Variants in SBNO1 observed in about 807,000 individuals in gnomAD.
SBNO1 encodes the protein strawberry notch homolog 1.
Under a neutral mutation model 173.6 loss-of-function variants are expected in SBNO1, and 23 were observed. The observed-to-expected ratio is 0.13, with a 90% CI of 0.10 to 0.19. The LOEUF is 0.19. Among genes scored for constraint, SBNO1 ranks in the 10% least tolerant of loss-of-function variants. The pLI, the probability that SBNO1 is intolerant of heterozygous loss-of-function variation, is 1.00. For missense variants in SBNO1, 1,238 were observed against 1,671.2 expected (o/e 0.74, Z 4.52); for synonymous variants, 632 against 571.5 (o/e 1.11, Z -1.51).
intron 3 of SBNO1, among the ~76,000 whole-genome samples, chr12:123,347,632 G>A (rs1481155152): frequency 6.7e-6 from 1 of 149,056 alleles, no homozygotes; most frequent in African/African-American, 2.5e-5. Flanking sequence ...GGGTTCAAGA[G>A]ATTCTCCTGC....
chr12:123,327,235 T>A (rs1355341321), intron 13 of SBNO1, among the ~76,000 whole-genome samples, 191 bp downstream of exon 13: 1 of 152,114 alleles, frequency 6.6e-6, no homozygotes, highest in Non-Finnish European at 1.5e-5. Flanking sequence ...GGTCTTGAAC[T>A]CTTGACCTCA....
At position 123,351,505 on chromosome 12, in the gene SBNO1, T is replaced by C. The variant is rs538554709; in HGVS notation, c.1-1064A>G. Among the ~76,000 whole-genome samples the C allele has an allele frequency of 9.9e-5, 15 of 152,144 alleles. No homozygotes were observed. The South Asian group carries it at 2.9e-3, about 29-fold the overall frequency. Reference sequence around the variant, plus strand: ...AGCCAAGTGTGGTGGTGCACGCCTGTAGTCCCAGCTACTTGGGAGGATGGC... The same window carrying C: ...AGCCAAGTGTGGTGGTGCACGCCTGCAGTCCCAGCTACTTGGGAGGATGGC... On this transcript the variant is annotated intron_variant, in intron 1 of 31. Transcript: ENST00000602398.
rs2048539464 is a variant in SBNO1, at chr12:123,293,365, C to G, written c.*2543G>C. The G allele has an allele frequency of 6.6e-6, 1 of 152,102 alleles. No individual in the cohort carries two copies. Among genetic ancestry groups the G allele is most frequent in the African/African-American group, 2.4e-5 (1 of 41,406 alleles). The allele number at this position is 152,102 out of a possible 1,614,324, so 9.4% of individuals were successfully genotyped here. A position where few individuals can be genotyped will look rare whatever the true frequency, so the allele number is the denominator to read the frequency against. On this transcript the variant is annotated 3_prime_UTR_variant, in exon 32 of 32. Transcript: ENST00000602398. ...AGGAGTGAGCCACCACGCCCGGCTACGAGTTGGGTTTTAACAGAAGAGGAC... is the reference window on the plus strand; with the variant it reads ...AGGAGTGAGCCACCACGCCCGGCTAGGAGTTGGGTTTTAACAGAAGAGGAC...
intron 6 of SBNO1, among the ~76,000 whole-genome samples, chr12:123,334,747 AAT>A (rs1455928256): frequency 2.0e-5 from 3 of 148,934 alleles, no homozygotes; most frequent in Admixed American, 1.3e-4. Flanking sequence ...AATAAAATAA[AAT>A]AGAGATTTGC....
chr12:123,303,909 T>A lies in SBNO1; in HGVS notation c.3768+673A>T, dbSNP rs535584439. On this transcript the variant is annotated intron_variant, in intron 29 of 31. Transcript: ENST00000602398. ...TATCTTAAACAATTTCAATATATTATAAAATAAGTATTCTTTTTTTTTTTT... is the reference window on the plus strand; with the variant it reads ...TATCTTAAACAATTTCAATATATTAAAAAATAAGTATTCTTTTTTTTTTTT... Among the ~76,000 whole-genome samples, 133 of 143,766 alleles carry A rather than the reference T, an allele frequency of 9.3e-4. 1 individual carries two copies. Among genetic ancestry groups the A allele is most frequent in the African/African-American group, 3.2e-3 (126 of 39,840 alleles). The allele number at this position is 143,766 out of a possible 152,430, so 94.3% of individuals were successfully genotyped here.
At chr12:123,324,724 C>G (rs990783433) in intron 15 of SBNO1, among the ~76,000 whole-genome samples, 14 of 152,264 alleles carry the variant, frequency 9.2e-5, no homozygotes, top group African/African-American at 3.4e-4. Flanking sequence ...GTTAGGCAAA[C>G]TAAAAACAAT....
At chr12:123,326,656 T>C (rs1176329488) in intron 13 of SBNO1, among the ~76,000 whole-genome samples, 1 of 152,234 alleles carries the variant, frequency 6.6e-6, no homozygotes, top group Non-Finnish European at 1.5e-5. Context: ...CCAGGCGCAG[T>C]GGCTGATGCC....
At chr12:123,323,203 G>A (rs192392390) in intron 16 of SBNO1, among the ~76,000 whole-genome samples, 308 of 152,240 alleles carry the variant, frequency 2.0e-3, no homozygotes, top group African/African-American at 6.2e-3. Flanking sequence ...AATTTAAAAC[G>A]GGGATAACTT....
chr12:123,327,645 T>A, intron 12 of SBNO1, 62 bp downstream of exon 12: 1 of 1,592,208 alleles, frequency 6.3e-7, no homozygotes, highest in South Asian at 1.1e-5. Context: ...GAGAATGGGC[T>A]TTAGGAATAA....
At chr12:123,309,681 A>G (rs2049007183) in intron 26 of SBNO1, 29 bp downstream of exon 26, 10 of 1,609,416 alleles carry the variant, frequency 6.2e-6, no homozygotes, top group Non-Finnish European at 8.5e-6. Context: ...CCCTGGGGAC[A>G]TTGTGGGGGG....
intron 1 of SBNO1, among the ~76,000 whole-genome samples, chr12:123,356,996 A>T (rs371319940): frequency 2.0e-5 from 3 of 152,322 alleles, no homozygotes; most frequent in African/African-American, 7.2e-5. Context: ...TATGACTGAC[A>T]TTTAGTTTAA....
At chr12:123,316,273 A>G (rs10773008) in intron 21 of SBNO1, among the ~76,000 whole-genome samples, 110,992 of 152,078 alleles carry the variant, frequency 0.73, 41,692 homozygotes, top group East Asian at 1. Flanking sequence ...TGCCAAAGGT[A>G]GAGTGCAATG....
chr12:123,334,109 T>C lies in SBNO1; in HGVS notation c.853A>G (p.Ile285Val). ...WYKTSISEET[I>V]DNGWLSALQL... The stretch of plus-strand genomic sequence containing the variant: ...AATGCTGATAACCAGCCATTATCAA[T>C]GGTTTCCTCAGAAATGGATGTTTTG... The change falls in exon 7 of 32, where the codon ATT becomes GTT. Residue 285 changes from isoleucine to valine, a missense_variant. Transcript: ENST00000602398. 3 of 1,606,064 alleles carry C rather than the reference T, an allele frequency of 1.9e-6. No homozygotes were observed. The highest frequency in any genetic ancestry group is 2.5e-6 in the Non-Finnish European group (3 of 1,176,930).
At chr12:123,311,265 A>C in intron 24 of SBNO1, 136 bp from the exon 25 acceptor site, 2 of 652,196 alleles carry the variant, frequency 3.1e-6, no homozygotes, top group Non-Finnish European at 5.4e-6. Context: ...AACATGGAGA[A>C]AATGTGGAGA....
intron 23 of SBNO1, among the ~76,000 whole-genome samples, chr12:123,314,424 G>T (rs1316395944): frequency 6.7e-6 from 1 of 150,304 alleles, no homozygotes; most frequent in Non-Finnish European, 1.5e-5. Flanking sequence ...CTGCATCCCA[G>T]GTTGAAGTGA....
At chr12:123,351,547 G>A (rs1873887670) in intron 1 of SBNO1, among the ~76,000 whole-genome samples, 1 of 152,154 alleles carries the variant, frequency 6.6e-6, no homozygotes, top group Non-Finnish European at 1.5e-5. Context: ...CCAGGAGTTG[G>A]AGACTGCAGG....
intron 6 of SBNO1, among the ~76,000 whole-genome samples, chr12:123,335,187 C>T (rs1871694395): frequency 6.6e-6 from 1 of 152,216 alleles, no homozygotes; most frequent in African/African-American, 2.4e-5. Context: ...CGCCTGTAAT[C>T]TCAGCAGCTG....
Position 123,311,722 on chromosome 12 carries a change from A to ATCTATCTATCTATC in SBNO1, c.3221-594_3221-593insGATAGATAGATAGA, listed in dbSNP as rs55840692. On this transcript the variant is annotated intron_variant, in intron 24 of 31. Transcript: ENST00000602398. ...TATCTATCTATCTATCTATCTATCTATATATATATATATATATATATATAT... is the reference window on the plus strand; with the variant it reads ...TATCTATCTATCTATCTATCTATCTATCTATCTATCTATCTATATATATATATATATATATATAT... Among the ~76,000 whole-genome samples, 314 of 94,496 alleles carry ATCTATCTATCTATC rather than the reference A, an allele frequency of 3.3e-3. 1 individual carries two copies. Among genetic ancestry groups the ATCTATCTATCTATC allele is most frequent in the East Asian group, 5.9e-3 (19 of 3,220 alleles). 62.0% of individuals were successfully genotyped at this position (94,496 alleles called of 152,430 possible).
intron 23 of SBNO1, among the ~76,000 whole-genome samples, chr12:123,314,334 AT>A (rs34716075): frequency 0.01 from 1,547 of 147,846 alleles, 28 homozygotes; most frequent in African/African-American, 0.036. Context: ...GCCCAACTAA[AT>A]TTTTTTTTTC....
Sources: allele counts gnomAD v4.1 joint callset (sites outside exome capture counted in the v4.1 genomes callset), GRCh38; gene constraint gnomAD v4.1.1; transcripts MANE v1.5; gene names NCBI Gene and HGNC (gene_info 2026-07-23, HGNC 2026-07-21).